The following SEC23B variants were observed in gnomAD, a reference collection of about 807,000 sequenced individuals.
SEC23B encodes protein transport protein Sec23B.
A neutral mutation model predicts 104.3 loss-of-function variants in SEC23B; 77 were observed. The ratio of observed to expected loss-of-function variants is 0.74; its 90% CI spans 0.61 to 0.89. SEC23B has a LOEUF of 0.89. SEC23B is among the 40% of genes least tolerant of loss of function. SEC23B has a pLI of 0.00. For synonymous variants in SEC23B, 338 were observed against 332.5 expected (o/e 1.02, Z -0.18); for missense variants, 885 against 949.4 (o/e 0.93, Z 0.89).
chr20:18,543,897 C>A lies in SEC23B; in HGVS notation c.1665+725C>A, dbSNP rs2122130240. ...GTATAGGAAAATGTCTCACTGGAGA[C>A]ATGCAGGGATGCTGCTTAGCTGCTG... On this transcript the variant is annotated intron_variant, in intron 14 of 19. Transcript: ENST00000650089. 1.3e-5 allele frequency among the ~76,000 whole-genome samples: 2 copies of A among 152,306 alleles called. 1 individual carries two copies. The highest frequency in any genetic ancestry group is 3.9e-4 in the East Asian group (2 of 5,184).
chr20:18,526,475 C>T lies in SEC23B; in HGVS notation c.937C>T (p.Arg313Cys), dbSNP rs111758941. 18 of 1,614,006 alleles carry T rather than the reference C, an allele frequency of 1.1e-5. No individual in the cohort carries two copies. The highest frequency in any genetic ancestry group is 1.4e-5 in the Non-Finnish European group (17 of 1,180,006). The part of the protein sequence containing the change: ...VVGDELKIPI[R>C]SWHDIEKDNA... ...TGGAGATGAATTAAAGATTCCTATT[C>T]GTTCTTGGCATGATATTGAGAAAGA... is the stretch of plus-strand genomic sequence containing the variant. Residue 313 changes from arginine to cysteine, a missense_variant, in exon 8 of 20, where the codon CGT becomes TGT. Physicochemically the swap from Arg to Cys is radical, Grantham distance 180. Coordinates refer to ENST00000650089, the MANE Select transcript of SEC23B (RefSeq NM_006363.6).
In SEC23B at chr20:18,512,199, A is replaced by G. The variant is rs1172179508; in HGVS notation, c.222-26A>G. ...TATTTTAAAAATAAAAGTGGTACCT[A>G]CTTATAATATTTATCTTTCTCACAG... On this transcript the variant is annotated intron_variant, in intron 2 of 19. Transcript: ENST00000650089. The G allele has an allele frequency of 2.1e-6, 3 of 1,435,174 alleles. No homozygotes were observed. In the South Asian group the frequency reaches 3.7e-5, roughly 18 times the overall value. The allele number at this position is 1,435,174 out of a possible 1,614,324, so 88.9% of individuals were successfully genotyped here. A position where few individuals can be genotyped will look rare whatever the true frequency, so the allele number is the denominator to read the frequency against.
chr20:18,532,717 T>C lies in SEC23B; in HGVS notation c.1287T>C (p.Asn429=), dbSNP rs1186475608. 5.6e-6 allele frequency: 9 copies of C among 1,613,850 alleles called. No individual in the cohort carries two copies. In the African/African-American group the frequency reaches 9.3e-5, roughly 17 times the overall value. Residue 429 remains asparagine (N), a synonymous_variant, in exon 11 of 20, where the codon AAT becomes AAC. Coordinates refer to ENST00000650089, the MANE Select transcript of SEC23B (RefSeq NM_006363.6). Reference sequence around the variant, plus strand: ...CCATTGGTCCATGCGTATCTCTGAATGTGAAAGGACCGTGTGTGTCAGAAA... The same window carrying C: ...CCATTGGTCCATGCGTATCTCTGAACGTGAAAGGACCGTGTGTGTCAGAAA... ...AGAIGPCVSL[N]VKGPCVSENE...
intron 6 of SEC23B, among the ~76,000 whole-genome samples, chr20:18,525,387 A>T (rs2060125099): frequency 6.6e-6 from 1 of 152,256 alleles, no homozygotes; most frequent in South Asian, 2.1e-4. Flanking sequence ...TGCTGAAGAC[A>T]ACCTCTTACT....
intron 16 of SEC23B, among the ~76,000 whole-genome samples, 167 bp downstream of exon 16, chr20:18,548,937 A>G (rs2060360210): frequency 6.6e-6 from 1 of 152,242 alleles, no homozygotes; most frequent in African/African-American, 2.4e-5. Context: ...ATGTCAAAGG[A>G]CATATAAAGC....
intron 9 of SEC23B, 139 bp downstream of exon 9, chr20:18,527,750 G>GGA (rs1309197628): frequency 2.6e-6 from 2 of 759,732 alleles, no homozygotes; most frequent in Non-Finnish European, 4.8e-6. Flanking sequence ...CAGTGACTGG[G>GGA]GAGGGCCTGT....
At chr20:18,559,077 T>TGC (rs1555792333) in intron 19 of SEC23B, among the ~76,000 whole-genome samples, 4 of 91,082 alleles carry the variant, frequency 4.4e-5, no homozygotes, top group African/African-American at 1.9e-4. Context: ...GGAAGGTGGT[T>TGC]GGTGGGGGGG....
At chr20:18,509,358 C>CA (rs2059961080) in intron 1 of SEC23B, among the ~76,000 whole-genome samples, 1 of 152,190 alleles carries the variant, frequency 6.6e-6, no homozygotes, top group African/African-American at 2.4e-5. Context: ...CCCAAAATAA[C>CA]AGACAGTTGT....
chr20:18,547,481 T>C (rs576650491), intron 15 of SEC23B, among the ~76,000 whole-genome samples: 1 of 152,294 alleles, frequency 6.6e-6, no homozygotes, highest in Non-Finnish European at 1.5e-5. Context: ...AACTCTTTAA[T>C]GTGAGCTGAA....
At chr20:18,536,691 C>CAA (rs533442421) in intron 12 of SEC23B, among the ~76,000 whole-genome samples, 55 of 113,598 alleles carry the variant, frequency 4.8e-4, no homozygotes, top group African/African-American at 1.5e-3. Flanking sequence ...GACTCCATCT[C>CAA]AAAAAAAAAA....
chr20:18,557,745 C>CTTTTTTTTTTTTTTTTTTTTTTT (rs11477198), intron 19 of SEC23B, among the ~76,000 whole-genome samples: 57 of 116,816 alleles, frequency 4.9e-4, no homozygotes, highest in Non-Finnish European at 6.4e-4. Context: ...TTTTTCTTTT[C>CTTTTTTTTTTTTTTTTTTTTTTT]TTTTTTTTTT....
chr20:18,525,420 G>C (rs2060125296), intron 6 of SEC23B, among the ~76,000 whole-genome samples: 1 of 152,204 alleles, frequency 6.6e-6, no homozygotes, highest in Non-Finnish European at 1.5e-5. Flanking sequence ...GAGAAGCACA[G>C]ATTAGAATGA....
chr20:18,525,688 T>C, intron 6 of SEC23B, 100 bp from the exon 7 acceptor site: 1 of 1,291,802 alleles, frequency 7.7e-7, no homozygotes, highest in Non-Finnish European at 1.1e-6. Context: ...GTTACTACTC[T>C]GAATAATTAT....
At chr20:18,512,317 T>A in intron 3 of SEC23B, 35 bp downstream of exon 3, 1 of 1,330,442 alleles carries the variant, frequency 7.5e-7, no homozygotes, top group East Asian at 2.4e-5. Flanking sequence ...GTTATATGTT[T>A]TATTTTAGTT....
Position 18,527,529 on chromosome 20 carries a change from A to G in SEC23B, c.1027A>G (p.Asn343Asp), listed in dbSNP as rs766922478. The G allele has an allele frequency of 4.3e-6, 7 of 1,613,296 alleles. No homozygotes were observed. The East Asian group carries it at 1.3e-4, about 31-fold the overall frequency. Residue 343 changes from asparagine (N) to aspartate (D), a missense_variant, in exon 9 of 20, where the codon AAT (asparagine) becomes GAT (aspartate). Transcript: ENST00000650089. ...YEMLANRTAA[N>D]GHCIDIYACA... ...GATGCTTGCTAATCGAACAGCTGCA[A>G]ATGGTCACTGCATTGATATTTATGC... is the stretch of plus-strand genomic sequence containing the variant.
chr20:18,514,028 A>G (rs2060003572), intron 3 of SEC23B, among the ~76,000 whole-genome samples: 1 of 152,208 alleles, frequency 6.6e-6, no homozygotes, highest in African/African-American at 2.4e-5. Flanking sequence ...AGTATAAAGG[A>G]CTTAGAACAG....
At chr20:18,543,727 C>G (rs866699344) in intron 14 of SEC23B, among the ~76,000 whole-genome samples, 6 of 150,672 alleles carry the variant, frequency 4.0e-5, no homozygotes, top group Non-Finnish European at 8.9e-5. Context: ...CAGGGCTGAT[C>G]CAGACCTAGT....
At chr20:18,549,353 C>G (rs572703499) in intron 16 of SEC23B, among the ~76,000 whole-genome samples, 205 of 152,058 alleles carry the variant, frequency 1.3e-3, no homozygotes, top group Admixed American at 2.6e-3. Context: ...AGTTATAATA[C>G]CTAATATAAT....
chr20:18,529,753 T>C (rs2060166520), intron 9 of SEC23B, among the ~76,000 whole-genome samples: 1 of 152,230 alleles, frequency 6.6e-6, no homozygotes, highest in Non-Finnish European at 1.5e-5. Flanking sequence ...CAAGGCAGGC[T>C]GGAAAATGTC....
Sources: gnomAD v4.1 joint callset for allele counts (sites outside exome capture counted in the v4.1 genomes callset) on GRCh38, gnomAD v4.1.1 for gene constraint, MANE v1.5 for transcripts, NCBI Gene and HGNC (gene_info 2026-07-23, HGNC 2026-07-21) for gene names.